TENM4: variants seen among roughly 807,000 people sequenced by gnomAD.
TENM4 encodes teneurin transmembrane protein 4, also known as teneurin-4.
In TENM4, 82 loss-of-function variants were observed where a neutral mutation model predicts 243.3. The ratio of observed to expected loss-of-function variants is 0.34; its 90% CI spans 0.28 to 0.40. TENM4 has a LOEUF of 0.40. Among genes scored for constraint, TENM4 ranks in the 10% least tolerant of loss-of-function variants. The probability of loss-of-function intolerance (pLI) is 1.00; values close to 1 mark genes in which losing one functional copy is unlikely to be tolerated. For missense variants in TENM4, 3,138 were observed against 3,673.3 expected, an observed-to-expected ratio of 0.85 and a Z score of 3.77; for synonymous variants, 1,412 against 1,456.3, an observed-to-expected ratio of 0.97 and a Z score of 0.69.
At chr11:79,347,303 T>C (rs1037857955) in intron 1 of TENM4, among the ~76,000 whole-genome samples, 9 of 152,168 alleles carry the variant, frequency 5.9e-5, no homozygotes, top group Admixed American at 5.9e-4. Flanking sequence ...ACTGGTCCTG[T>C]AGGGAGACTC....
chr11:78,750,857 G>T (rs1856172114), intron 19 of TENM4, among the ~76,000 whole-genome samples: 1 of 148,848 alleles, frequency 6.7e-6, no homozygotes, highest in Non-Finnish European at 1.5e-5. Context: ...GCTTGTGTGT[G>T]TGTGTGTGTG....
rs1858463789 is a variant in TENM4, at chr11:78,676,128, G to A, written c.5496+24C>T. 17 of 1,470,342 alleles carry A rather than the reference G, an allele frequency of 1.2e-5. No individual in the cohort carries two copies. The South Asian group carries it at 2.0e-4, about 18-fold the overall frequency. The allele number at this position is 1,470,342 out of a possible 1,614,324, so 91.1% of individuals were successfully genotyped here. On this transcript the variant is annotated intron_variant, in intron 30 of 33. Transcript: ENST00000278550. ...CCCCATTCTTTCCCCCCAGGACGCA[G>A]CCACCTCCAGAGGCCTCGCTCACCC...
chr11:79,358,800 C>T (rs1857540423), intron 1 of TENM4, among the ~76,000 whole-genome samples: 1 of 151,736 alleles, frequency 6.6e-6, no homozygotes, highest in East Asian at 1.9e-4. Context: ...CTTCCTCTCT[C>T]CCTCCTTCCT....
intron 15 of TENM4, among the ~76,000 whole-genome samples, chr11:78,792,680 A>T (rs912537175): frequency 6.6e-6 from 1 of 152,210 alleles, no homozygotes; most frequent in African/African-American, 2.4e-5. Context: ...TAGATGAATG[A>T]AAAAAGCTTT....
chr11:79,300,196 A>G (rs2135397254), intron 1 of TENM4, among the ~76,000 whole-genome samples: 1 of 152,140 alleles, frequency 6.6e-6, no homozygotes, highest in South Asian at 2.1e-4. Context: ...TACAATAAAA[A>G]CTCACCTAAC....
intron 6 of TENM4, among the ~76,000 whole-genome samples, chr11:78,954,178 C>G (rs918198201): frequency 6.6e-5 from 10 of 152,166 alleles, no homozygotes; most frequent in Middle Eastern, 3.2e-3. Context: ...AAGCACCCAG[C>G]TCAGACATGA....
At chr11:78,738,344 G>T in intron 20 of TENM4, 107 bp downstream of exon 20, 1 of 1,436,232 alleles carries the variant, frequency 7.0e-7, no homozygotes, top group South Asian at 1.4e-5. Flanking sequence ...CAGGCCCTCT[G>T]AATCCAAGAC....
intron 4 of TENM4, among the ~76,000 whole-genome samples, chr11:79,117,842 T>C (rs1861653774): frequency 6.6e-6 from 1 of 152,200 alleles, no homozygotes. Context: ...AAATGAAGGT[T>C]GAATGGAATA....
At chr11:79,401,105 G>T (rs1858451479) in intron 1 of TENM4, among the ~76,000 whole-genome samples, 1 of 152,242 alleles carries the variant, frequency 6.6e-6, no homozygotes, top group South Asian at 2.1e-4. Context: ...GGATCTTGGG[G>T]ACAGGAAATA....
chr11:78,795,159 C>A (rs1033101810), intron 15 of TENM4, among the ~76,000 whole-genome samples: 15 of 152,172 alleles, frequency 9.9e-5, no homozygotes, highest in Non-Finnish European at 1.9e-4. Flanking sequence ...AACCCCCTCC[C>A]GGCAGCTGGA....
At chr11:79,295,868 T>C (rs1030553903) in intron 2 of TENM4, among the ~76,000 whole-genome samples, 4 of 147,356 alleles carry the variant, frequency 2.7e-5, no homozygotes, top group Non-Finnish European at 3.0e-5. Flanking sequence ...GTTTTTTTTT[T>C]TTAATAAGAA....
At chr11:78,674,440 G>C (rs552634080) in intron 30 of TENM4, among the ~76,000 whole-genome samples, 1 of 152,318 alleles carries the variant, frequency 6.6e-6, no homozygotes, top group African/African-American at 2.4e-5. Context: ...AGTTCACACA[G>C]CAGAGAGGAA....
intron 6 of TENM4, among the ~76,000 whole-genome samples, chr11:79,009,522 G>A (rs1858587410): frequency 6.6e-6 from 1 of 152,184 alleles, no homozygotes; most frequent in African/African-American, 2.4e-5. Context: ...TGCCATTTGT[G>A]AGGGGTTTGG....
chr11:78,757,878 T>A (rs144882611), intron 18 of TENM4, among the ~76,000 whole-genome samples: 1 of 152,312 alleles, frequency 6.6e-6, no homozygotes, highest in East Asian at 1.9e-4. Context: ...TGACAGAGTT[T>A]CCATTAGCAG....
chr11:78,738,806 C>T (rs1352981894), intron 19 of TENM4, among the ~76,000 whole-genome samples: 3 of 152,190 alleles, frequency 2.0e-5, no homozygotes, highest in African/African-American at 7.2e-5. Context: ...AATGATCTCA[C>T]TCGGAGGTTA....
chr11:79,049,927 C>A (rs908675462), intron 6 of TENM4, among the ~76,000 whole-genome samples: 24 of 152,238 alleles, frequency 1.6e-4, no homozygotes, highest in African/African-American at 3.9e-4. Context: ...TCCCATGAAC[C>A]TTTTCCCTTT....
At position 78,658,354 on chromosome 11, in the gene TENM4, C is replaced by T. The variant is rs1857948101; in HGVS notation, c.8014G>A (p.Ala2672Thr). The T allele has an allele frequency of 2.5e-6, 4 of 1,613,864 alleles. No homozygotes were observed. The highest frequency in any genetic ancestry group is 3.4e-6 in the Non-Finnish European group (4 of 1,179,814). Residue 2672 changes from alanine to threonine, a missense_variant, in exon 34 of 34, where the codon GCA becomes ACA. Coordinates refer to ENST00000278550, the MANE Select transcript of TENM4 (RefSeq NM_001098816.3). ...RYTDIQLQYG[A>T]LCLNTRYGTT... ...CCGTAGCGTGTGTTCAAGCACAGTG[C>T]CCCGTACTGGAGCTGGATGTCTGTG...
chr11:79,155,356 T>TC (rs1356153676), intron 3 of TENM4, among the ~76,000 whole-genome samples: 61 of 136,976 alleles, frequency 4.5e-4, no homozygotes, highest in African/African-American at 1.4e-3. Flanking sequence ...TCTCTCTCTC[T>TC]TTTTTTTTTT....
At chr11:79,071,353 C>G (rs920255388) in intron 4 of TENM4, among the ~76,000 whole-genome samples, 3 of 152,114 alleles carry the variant, frequency 2.0e-5, no homozygotes, top group Admixed American at 2.0e-4. Flanking sequence ...GACAACAGAG[C>G]AAGAGCTGTG....
Sources: gnomAD v4.1 joint callset for allele counts (sites outside exome capture counted in the v4.1 genomes callset) on GRCh38, gnomAD v4.1.1 for gene constraint, MANE v1.5 for transcripts, NCBI Gene and HGNC (gene_info 2026-07-23, HGNC 2026-07-21) for gene names.